The following L3MBTL4 variants were observed in gnomAD, a reference collection of about 807,000 sequenced individuals.
The protein encoded by L3MBTL4 is lethal(3)malignant brain tumor-like protein 4.
A neutral mutation model predicts 84.5 loss-of-function variants in L3MBTL4; 70 were observed. That is an observed-to-expected ratio of 0.83 (90% CI 0.68 to 1.01). The LOEUF is 1.01. Among genes scored for constraint, L3MBTL4 ranks in the 50% least tolerant of loss-of-function variants. The probability of loss-of-function intolerance (pLI) is 0.00; values close to 1 mark genes in which losing one functional copy is unlikely to be tolerated. For missense variants in L3MBTL4, 715 were observed against 754.8 expected, an observed-to-expected ratio of 0.95 and a Z score of 0.62; for synonymous variants, 274 against 259.8, an observed-to-expected ratio of 1.05 and a Z score of -0.52.
At chr18:6,046,051 T>G (rs970462955) in intron 16 of L3MBTL4, among the ~76,000 whole-genome samples, 1 of 152,060 alleles carries the variant, frequency 6.6e-6, no homozygotes, top group Non-Finnish European at 1.5e-5. Context: ...AGATCTATCA[T>G]GCAAGCAGGA....
chr18:6,361,851 C>T (rs751955952), intron 1 of L3MBTL4, among the ~76,000 whole-genome samples: 4 of 151,978 alleles, frequency 2.6e-5, no homozygotes, highest in African/African-American at 9.7e-5. Context: ...TGTGGCTGGG[C>T]GTGGTTGCAG....
At chr18:6,004,192 G>T (rs912584317) in intron 16 of L3MBTL4, among the ~76,000 whole-genome samples, 1 of 152,054 alleles carries the variant, frequency 6.6e-6, no homozygotes, top group Non-Finnish European at 1.5e-5. Context: ...TGAAAGTGAG[G>T]ATATTCATAC....
chr18:6,000,450 G>A (rs1020630243), intron 16 of L3MBTL4, among the ~76,000 whole-genome samples: 2 of 152,102 alleles, frequency 1.3e-5, no homozygotes, highest in Admixed American at 1.3e-4. Context: ...AGGGAGAATG[G>A]ACCTTGCATA....
intron 4 of L3MBTL4, among the ~76,000 whole-genome samples, chr18:6,266,069 AAATATATAC>A (rs1161206567): frequency 6.6e-6 from 1 of 152,228 alleles, no homozygotes; most frequent in East Asian, 1.9e-4. Flanking sequence ...TTTACCCCAT[AAATATATAC>A]AATTATTTCT....
chr18:6,002,206 T>C (rs933909111), intron 16 of L3MBTL4, among the ~76,000 whole-genome samples: 25 of 152,258 alleles, frequency 1.6e-4, no homozygotes, highest in Non-Finnish European at 2.5e-4. Context: ...CCAAACTCTC[T>C]TGCAAAATTT....
At position 6,244,540 on chromosome 18, in the gene L3MBTL4, ATC is replaced by A; in HGVS notation, c.266_267del (p.Arg89IlefsTer5). 1.2e-6 allele frequency: 2 copies of A among 1,614,080 alleles called. No homozygotes were observed. Among genetic ancestry groups the A allele is most frequent in the Non-Finnish European group, 1.7e-6 (2 of 1,179,936 alleles). ...GGATGTCGGGGATCAATGCCTTCTAATCTCATTCCAATCTGAAAACCATTTTC... is the reference window on the plus strand; with the variant it reads ...GGATGTCGGGGATCAATGCCTTCTAATCATTCCAATCTGAAAACCATTTTC... ...EHENGFQIGM[R>X]LEGIDPRHPS... On this transcript the variant is annotated frameshift_variant, in exon 6 of 19. Coordinates refer to ENST00000317931, the MANE Select transcript of L3MBTL4 (RefSeq NM_001330559.2). LOFTEE classifies it high-confidence loss of function.
intron 10 of L3MBTL4, 110 bp downstream of exon 10, chr18:6,237,854 A>G (rs1599283398): frequency 3.7e-6 from 3 of 813,684 alleles, no homozygotes; most frequent in South Asian, 2.9e-5. Flanking sequence ...TAGTGTTTTT[A>G]TCATATTAAA....
At chr18:6,223,793 T>A (rs2046662417) in intron 10 of L3MBTL4, among the ~76,000 whole-genome samples, 2 of 152,164 alleles carry the variant, frequency 1.3e-5, no homozygotes, top group African/African-American at 4.8e-5. Context: ...CTTTCTATTC[T>A]CCGGCTGAAA....
chr18:6,229,123 G>A (rs2046892906), intron 10 of L3MBTL4, among the ~76,000 whole-genome samples: 1 of 152,172 alleles, frequency 6.6e-6, no homozygotes, highest in African/African-American at 2.4e-5. Context: ...GGAAGTTAGT[G>A]TTCGTGTGAA....
chr18:6,224,090 ATATAATGT>A (rs2046675509), intron 10 of L3MBTL4, among the ~76,000 whole-genome samples: 1 of 152,198 alleles, frequency 6.6e-6, no homozygotes, highest in Admixed American at 6.5e-5. Flanking sequence ...AATAGTACGA[ATATAATGT>A]TATTTATGCA....
intron 1 of L3MBTL4, among the ~76,000 whole-genome samples, chr18:6,314,753 T>A (rs1234087049): frequency 6.6e-6 from 1 of 152,226 alleles, no homozygotes; most frequent in African/African-American, 2.4e-5. Context: ...AGTCTATAAA[T>A]AACTAAAATA....
At chr18:6,371,158 T>C (rs1358136062) in intron 1 of L3MBTL4, among the ~76,000 whole-genome samples, 10 of 152,122 alleles carry the variant, frequency 6.6e-5, no homozygotes, top group Admixed American at 1.3e-4. Context: ...AGCCACACAA[T>C]ATGAAAACAA....
At chr18:6,181,951 A>G (rs1029399188) in intron 12 of L3MBTL4, among the ~76,000 whole-genome samples, 1 of 152,102 alleles carries the variant, frequency 6.6e-6, no homozygotes, top group African/African-American at 2.4e-5. Flanking sequence ...TTGCTACTGT[A>G]AGTAGTGCCG....
intron 16 of L3MBTL4, among the ~76,000 whole-genome samples, chr18:6,053,720 G>A (rs1240900858): frequency 2.0e-5 from 3 of 152,104 alleles, no homozygotes; most frequent in South Asian, 4.1e-4. Flanking sequence ...TGCAGCATGC[G>A]TATCCTAATG....
intron 1 of L3MBTL4, among the ~76,000 whole-genome samples, chr18:6,392,050 C>A (rs1049268752): frequency 6.6e-6 from 1 of 152,038 alleles, no homozygotes; most frequent in Non-Finnish European, 1.5e-5. Flanking sequence ...CCAAAACAAC[C>A]CTAAGCATAA....
chr18:6,394,433 A>G (rs2055188872), intron 1 of L3MBTL4, among the ~76,000 whole-genome samples: 1 of 152,116 alleles, frequency 6.6e-6, no homozygotes, highest in South Asian at 2.1e-4. Context: ...GTGCCACTGC[A>G]CTCCAGCCTG....
At chr18:5,974,505 A>G (rs973307742) in intron 16 of L3MBTL4, among the ~76,000 whole-genome samples, 1 of 152,200 alleles carries the variant, frequency 6.6e-6, no homozygotes, top group Non-Finnish European at 1.5e-5. Context: ...TTTAAAAGTC[A>G]GAACGCCACA....
chr18:6,121,759 A>G (rs2059537667), intron 14 of L3MBTL4, among the ~76,000 whole-genome samples: 1 of 151,630 alleles, frequency 6.6e-6, no homozygotes, highest in African/African-American at 2.4e-5. Flanking sequence ...TTGGGAATCA[A>G]AAGTTCATGG....
At chr18:6,212,383 C>T (rs1358152314) in intron 12 of L3MBTL4, among the ~76,000 whole-genome samples, 1 of 152,090 alleles carries the variant, frequency 6.6e-6, no homozygotes, top group Non-Finnish European at 1.5e-5. Flanking sequence ...TAAGTTAGTG[C>T]CTATTAAAAT....
Sources: gnomAD v4.1 joint callset for allele counts (sites outside exome capture counted in the v4.1 genomes callset) on GRCh38, gnomAD v4.1.1 for gene constraint, MANE v1.5 for transcripts, NCBI Gene and HGNC (gene_info 2026-07-23, HGNC 2026-07-21) for gene names.